Variants in ZNF316 observed in about 807,000 individuals in gnomAD.
ZNF316 encodes the protein zinc finger protein 316.
Under a neutral mutation model 75.6 loss-of-function variants are expected in ZNF316, and 23 were observed. The observed-to-expected ratio is 0.30, with a 90% CI of 0.22 to 0.43. The LOEUF (loss-of-function observed/expected upper bound fraction) is 0.43. Ranked by LOEUF, ZNF316 falls within the 20% of genes least tolerant of loss-of-function variation. The pLI, the probability that ZNF316 is intolerant of heterozygous loss-of-function variation, is 1.00. For missense variants in ZNF316, 1,266 were observed against 1,409.4 expected (o/e 0.90, Z 1.63); for synonymous variants, 827 against 666.2 (o/e 1.24, Z -3.72).
chr7:6,652,893 T>C lies in ZNF316; in HGVS notation c.1297T>C (p.Phe433Leu), dbSNP rs1412211905. 2 of 1,238,070 alleles carry C rather than the reference T, an allele frequency of 1.6e-6. No homozygotes were observed. The highest frequency in any genetic ancestry group is 6.3e-5 in the East Asian group (2 of 31,694). The allele number at this position is 1,238,070 out of a possible 1,614,324, so 76.7% of individuals were successfully genotyped here. A position where few individuals can be genotyped will look rare whatever the true frequency, so the allele number is the denominator to read the frequency against. Residue 433 changes from phenylalanine (F) to leucine (L), a missense_variant, in exon 9 of 9, where the codon TTC (phenylalanine) becomes CTC (leucine). This residue lies in a region of ZNF316 where 961 missense variants were observed against 990.9 expected (regional missense o/e 0.97). Transcript: ENST00000382252. Reference sequence around the variant, plus strand: ...TGGCGAGCGGCCCTACCGCTGCGCCTTCTGCGGCGCGGGCTTCGGGCGCCG... The same window carrying C: ...TGGCGAGCGGCCCTACCGCTGCGCCCTCTGCGGCGCGGGCTTCGGGCGCCG... ...HTGERPYRCA[F>L]CGAGFGRRSY...
At position 6,642,114 on chromosome 7, in the gene ZNF316, T is replaced by A; in HGVS notation, c.-29+152T>A. On this transcript the variant is annotated intron_variant, in intron 4 of 8. Transcript: ENST00000382252. The surrounding 1 kb of genome is among the most constrained non-coding windows in gnomAD (Gnocchi z 8.1). ...AGAGCAGCAGTTCACACCAGGCACGTAGTTCTTGGTGAAAAGGAGCTGAGA... is the reference window on the plus strand; with the variant it reads ...AGAGCAGCAGTTCACACCAGGCACGAAGTTCTTGGTGAAAAGGAGCTGAGA... 3.1e-6 allele frequency: 1 copy of A among 318,070 alleles called. No homozygotes were observed. The allele number at this position is 318,070 out of a possible 1,614,324, so 19.7% of individuals were successfully genotyped here. A position where few individuals can be genotyped will look rare whatever the true frequency, so the allele number is the denominator to read the frequency against.
chr7:6,654,918 A>T lies in ZNF316; in HGVS notation c.*307A>T. 5.0e-6 allele frequency: 1 copy of T among 200,716 alleles called. No homozygotes were observed. Among genetic ancestry groups the T allele is most frequent in the Non-Finnish European group, 1.0e-5 (1 of 99,434 alleles). The allele number at this position is 200,716 out of a possible 1,614,324, so 12.4% of individuals were successfully genotyped here. A position where few individuals can be genotyped will look rare whatever the true frequency, so the allele number is the denominator to read the frequency against. On this transcript the variant is annotated 3_prime_UTR_variant, in exon 9 of 9. Coordinates refer to ENST00000382252, the MANE Select transcript of ZNF316 (RefSeq NM_001278559.2). ...GAAGCAGGGCGGTAGTTGGCGGGCG[A>T]TGCTATTTATTTCACTCGGATTCCG...
intron 8 of ZNF316, among the ~76,000 whole-genome samples, chr7:6,651,515 T>G (rs981600769): frequency 4.6e-5 from 7 of 151,964 alleles, no homozygotes; most frequent in Admixed American, 2.6e-4. Flanking sequence ...ATTAGCCAGC[T>G]GCGGTGCTGT....
Position 6,653,225 on chromosome 7 carries a change from CGAGGCGGACGGA to C in ZNF316, c.1638_1649del (p.Asp546_Ala549del). ...CTGGGCCAGAGGGATCTGAAGTTGG[CGAGGCGGACGGA>C]GAGGCGGAGGCCGCGGCCGAGGAGA... On this transcript the variant is annotated inframe_deletion, in exon 9 of 9. Coordinates refer to ENST00000382252, the MANE Select transcript of ZNF316 (RefSeq NM_001278559.2). The C allele has an allele frequency of 1.1e-5, 13 of 1,224,090 alleles. No individual in the cohort carries two copies. Among genetic ancestry groups the C allele is most frequent in the Non-Finnish European group, 1.3e-5 (13 of 983,372 alleles). The allele number at this position is 1,224,090 out of a possible 1,614,324, so 75.8% of individuals were successfully genotyped here. A position where few individuals can be genotyped will look rare whatever the true frequency, so the allele number is the denominator to read the frequency against.
Position 6,652,322 on chromosome 7 carries a change from C to T in ZNF316, c.726C>T (p.Asp242=). 6.5e-6 allele frequency: 8 copies of T among 1,232,348 alleles called. No homozygotes were observed. Among genetic ancestry groups the T allele is most frequent in the Non-Finnish European group, 8.1e-6 (8 of 988,082 alleles). 76.3% of individuals were successfully genotyped at this position (1,232,348 alleles called of 1,614,324 possible). ...GVYTGAWFWT[D]DIEDHEEEDD... The stretch of plus-strand genomic sequence containing the variant: ...CTTCAGGAGCCTGGTTCTGGACGGA[C>T]GACATAGAGGACCACGAGGAGGAAG... The change falls in exon 9 of 9, where the codon GAC becomes GAT. Residue 242 remains aspartate, a synonymous_variant. Transcript: ENST00000382252.
At chr7:6,646,509 G>T (rs1298508084) in intron 8 of ZNF316, among the ~76,000 whole-genome samples, 1 of 152,206 alleles carries the variant, frequency 6.6e-6, no homozygotes, top group African/African-American at 2.4e-5. Flanking sequence ...CTTGTGGCCT[G>T]TGCACCTGGC....
At chr7:6,650,496 T>G (rs779675227) in intron 8 of ZNF316, among the ~76,000 whole-genome samples, 1 of 152,208 alleles carries the variant, frequency 6.6e-6, no homozygotes, top group Non-Finnish European at 1.5e-5. Flanking sequence ...TGTGTGGGTC[T>G]GTGTTTTCCT....
chr7:6,651,018 G>A (rs963031440), intron 8 of ZNF316, among the ~76,000 whole-genome samples: 3 of 152,160 alleles, frequency 2.0e-5, no homozygotes, highest in African/African-American at 7.2e-5. Flanking sequence ...GGTGCAGCTT[G>A]GTGTGAGAGG....
chr7:6,644,403 C>T (rs1184178707), intron 7 of ZNF316, 77 bp from the exon 8 acceptor site: 5 of 725,952 alleles, frequency 6.9e-6, no homozygotes, highest in Admixed American at 4.4e-5. Context: ...GGGCACTGAG[C>T]GGTGGCACAG....
At position 6,656,491 on chromosome 7, in the gene ZNF316, C is replaced by G. The variant is rs1448074083; in HGVS notation, c.*1880C>G. The G allele has an allele frequency of 2.0e-5, 3 of 152,250 alleles. No individual in the cohort carries two copies. The highest frequency in any genetic ancestry group is 7.2e-5 in the African/African-American group (3 of 41,452). 9.4% of individuals were successfully genotyped at this position (152,250 alleles called of 1,614,324 possible). A position where few individuals can be genotyped will look rare whatever the true frequency, so the allele number is the denominator to read the frequency against. On this transcript the variant is annotated 3_prime_UTR_variant, in exon 9 of 9. Coordinates refer to ENST00000382252, the MANE Select transcript of ZNF316 (RefSeq NM_001278559.2). ...GGGAACCCGTCGGGGAGGCTCTGCG[C>G]GGCCTCAGGTCCAACTTGTTTCTGC... is the stretch of plus-strand genomic sequence containing the variant.
In ZNF316 at chr7:6,652,424, G is replaced by C. The variant is rs1307377323; in HGVS notation, c.828G>C (p.Val276=). ...GGCTCTGGTCGGCGGCCTACGGCGT[G>C]GGGGACGTGCCTGGGACGTGGGGGC... is the stretch of plus-strand genomic sequence containing the variant. The part of the protein sequence containing the change: ...PPGLWSAAYG[V]GDVPGTWGPD... Residue 276 remains valine, a synonymous_variant, in exon 9 of 9, where the codon GTG becomes GTC. Coordinates refer to ENST00000382252, the MANE Select transcript of ZNF316 (RefSeq NM_001278559.2). 4 of 1,232,068 alleles carry C rather than the reference G, an allele frequency of 3.2e-6. No homozygotes were observed. Among genetic ancestry groups the C allele is most frequent in the Non-Finnish European group, 4.0e-6 (4 of 987,994 alleles). The allele number at this position is 1,232,068 out of a possible 1,614,324, so 76.3% of individuals were successfully genotyped here.
At position 6,654,565 on chromosome 7, in the gene ZNF316, C is replaced by A; in HGVS notation, c.2969C>A (p.Ala990Asp). The A allele has an allele frequency of 1.7e-6, 2 of 1,187,778 alleles. No homozygotes were observed. Among genetic ancestry groups the A allele is most frequent in the Non-Finnish European group, 2.1e-6 (2 of 959,770 alleles). The allele number at this position is 1,187,778 out of a possible 1,614,324, so 73.6% of individuals were successfully genotyped here. ...GGTSFGSEHQ[A>D]AFAGPSGAYR... The stretch of plus-strand genomic sequence containing the variant: ...ACAAGCTTCGGCTCCGAGCACCAGG[C>A]CGCGTTCGCCGGGCCCTCGGGCGCC... The change falls in exon 9 of 9, where the codon GCC (alanine) becomes GAC (aspartate). Residue 990 changes from alanine to aspartate, a missense_variant. Ala to Asp is a moderately radical substitution (Grantham distance 126). Coordinates refer to ENST00000382252, the MANE Select transcript of ZNF316 (RefSeq NM_001278559.2).
chr7:6,653,690 G>A lies in ZNF316; in HGVS notation c.2094G>A (p.Lys698=), dbSNP rs1364906556. The change falls in exon 9 of 9, where the codon AAG becomes AAA. Residue 698 remains lysine (K), a synonymous_variant. Transcript: ENST00000382252. ...CGTGGATCTGCTCGGACTGCGGCAAGACGTTTGGGCGCCGGGCCGCGCTGG... is the reference window on the plus strand; with the variant it reads ...CGTGGATCTGCTCGGACTGCGGCAAAACGTTTGGGCGCCGGGCCGCGCTGG... The part of the protein sequence containing the change: ...ESPWICSDCG[K]TFGRRAALAK... 7.4e-6 allele frequency: 8 copies of A among 1,086,740 alleles called. No homozygotes were observed. Among genetic ancestry groups the A allele is most frequent in the Non-Finnish European group, 9.0e-6 (8 of 893,562 alleles). The allele number at this position is 1,086,740 out of a possible 1,614,324, so 67.3% of individuals were successfully genotyped here.
intron 8 of ZNF316, among the ~76,000 whole-genome samples, chr7:6,650,593 G>C (rs1410252416): frequency 6.6e-6 from 1 of 152,176 alleles, no homozygotes; most frequent in Non-Finnish European, 1.5e-5. Context: ...TGCGACATGA[G>C]GGGCTACCCG....
rs2115322269 is a variant in ZNF316 at position 6,654,537 on chromosome 7, G to A, written c.2941G>A (p.Gly981Ser). ...RGSALLEFAG[G>S]TSFGSEHQAA... Reference sequence around the variant, plus strand: ...CAGCGCCCTGCTGGAGTTCGCGGGCGGCACAAGCTTCGGCTCCGAGCACCA... The same window carrying A: ...CAGCGCCCTGCTGGAGTTCGCGGGCAGCACAAGCTTCGGCTCCGAGCACCA... Residue 981 changes from glycine (G) to serine (S), a missense_variant, in exon 9 of 9, where the codon GGC becomes AGC. Physicochemically the swap from Gly to Ser is moderately conservative, Grantham distance 56. Around this residue, in one of 3 missense-constraint regions of ZNF316, gnomAD observed 111 missense variants for 99.2 expected, o/e 1.12. Coordinates refer to ENST00000382252, the MANE Select transcript of ZNF316 (RefSeq NM_001278559.2). The A allele has an allele frequency of 3.4e-6, 4 of 1,182,072 alleles. No individual in the cohort carries two copies. The highest frequency in any genetic ancestry group is 3.8e-5 in the East Asian group (1 of 26,576). The allele number at this position is 1,182,072 out of a possible 1,614,324, so 73.2% of individuals were successfully genotyped here. A position where few individuals can be genotyped will look rare whatever the true frequency, so the allele number is the denominator to read the frequency against.
rs984654376 is a variant in ZNF316, at chr7:6,652,895, C to T, written c.1299C>T (p.Phe433=). ...HTGERPYRCA[F]CGAGFGRRSY... ...GCGAGCGGCCCTACCGCTGCGCCTT[C>T]TGCGGCGCGGGCTTCGGGCGCCGCT... Residue 433 remains phenylalanine (F), a synonymous_variant, in exon 9 of 9, where the codon TTC becomes TTT. Transcript: ENST00000382252. 1.6e-6 allele frequency: 2 copies of T among 1,239,296 alleles called. No individual in the cohort carries two copies. Among genetic ancestry groups the T allele is most frequent in the Non-Finnish European group, 1.0e-6 (1 of 991,102 alleles). 76.8% of individuals were successfully genotyped at this position (1,239,296 alleles called of 1,614,324 possible).
chr7:6,638,339 G>C (rs1415743516), intron 2 of ZNF316, among the ~76,000 whole-genome samples: 1 of 152,208 alleles, frequency 6.6e-6, no homozygotes, highest in Non-Finnish European at 1.5e-5. Context: ...AGTGAGGACT[G>C]TGGTGGTCGG....
chr7:6,645,878 C>T lies in ZNF316; in HGVS notation c.706+1285C>T, dbSNP rs901433845. Among the ~76,000 whole-genome samples the T allele has an allele frequency of 4.6e-4, 70 of 151,062 alleles. 1 individual carries two copies. Among genetic ancestry groups the T allele is most frequent in the Non-Finnish European group, 3.5e-4 (24 of 67,884 alleles). On this transcript the variant is annotated intron_variant, in intron 8 of 8. Coordinates refer to ENST00000382252, the MANE Select transcript of ZNF316 (RefSeq NM_001278559.2). The stretch of plus-strand genomic sequence containing the variant: ...GTGTGGTGGTGCGCGCCTGTAGTCC[C>T]AGCTACTTGGGAGGCTGAGGCAGAA...
At position 6,652,672 on chromosome 7, in the gene ZNF316, G is replaced by A. The variant is rs1232422233; in HGVS notation, c.1076G>A (p.Arg359Gln). The A allele has an allele frequency of 2.4e-6, 3 of 1,232,582 alleles. No individual in the cohort carries two copies. Among genetic ancestry groups the A allele is most frequent in the Non-Finnish European group, 2.0e-6 (2 of 988,204 alleles). The allele number at this position is 1,232,582 out of a possible 1,614,324, so 76.4% of individuals were successfully genotyped here. A position where few individuals can be genotyped will look rare whatever the true frequency, so the allele number is the denominator to read the frequency against. ...VCGKVFPHRS[R>Q]LAKHQRYHAA... ...GGCAAGGTCTTCCCGCACCGCTCGC[G>A]GCTGGCCAAGCACCAGCGCTACCAC... The change falls in exon 9 of 9, where the codon CGG becomes CAG. Residue 359 changes from arginine (R) to glutamine (Q), a missense_variant. This residue lies in a region of ZNF316 where 961 missense variants were observed against 990.9 expected (regional missense o/e 0.97). Coordinates refer to ENST00000382252, the MANE Select transcript of ZNF316 (RefSeq NM_001278559.2).
Sources: allele counts gnomAD v4.1 joint callset (sites outside exome capture counted in the v4.1 genomes callset), GRCh38; gene constraint gnomAD v4.1.1; regional missense constraint gnomAD v4.1.1; non-coding constraint Gnocchi (gnomAD v3.1); transcripts MANE v1.5; gene names NCBI Gene and HGNC (gene_info 2026-07-23, HGNC 2026-07-21).